The following MESD variants were observed in gnomAD, a reference collection of about 807,000 sequenced individuals.
MESD encodes LRP chaperone MESD.
Under a neutral mutation model 12.9 loss-of-function variants are expected in MESD, and 7 were observed. The observed-to-expected ratio is 0.54, with a 90% CI of 0.31 to 1.02. MESD has a LOEUF of 1.02. Ranked by LOEUF, MESD falls within the 50% of genes least tolerant of loss-of-function variation. The pLI is 0.05. For synonymous variants in MESD, 126 were observed against 115.6 expected (o/e 1.09, Z -0.58); for missense variants, 342 against 296.7 (o/e 1.15, Z -1.12).
At chr15:80,985,501 C>G (rs1902705242) in intron 1 of MESD, among the ~76,000 whole-genome samples, 1 of 152,128 alleles carries the variant, frequency 6.6e-6, no homozygotes, top group Admixed American at 6.6e-5. Flanking sequence ...CTGTCTTTAT[C>G]TTAATTCTCC....
chr15:80,961,515 G>A (rs576789359), intron 3 of MESD, among the ~76,000 whole-genome samples: 1 of 152,216 alleles, frequency 6.6e-6, no homozygotes, highest in Admixed American at 6.5e-5. Flanking sequence ...GAGGATAAAA[G>A]AATAATTTGG....
chr15:80,948,693 T>C (rs1282374836), exon 5 of MESD: 7 of 1,481,336 alleles, frequency 4.7e-6, no homozygotes, highest in South Asian at 4.5e-5. Flanking sequence ...GGCTAGGCGG[T>C]ACCTGGTGGG....
chr15:80,981,944 C>T lies in MESD; in HGVS notation c.446+6G>A. ...TGAGTCTCTCAGCTGGTTGTTGCTG[C>T]TTTACCTCTGGACGTCATAGTTGGC... is the stretch of plus-strand genomic sequence containing the variant. On this transcript the variant is annotated splice_donor_region_variant and intron_variant, in intron 2 of 2. Transcript: ENST00000261758. 6.2e-7 allele frequency: 1 copy of T among 1,600,402 alleles called. No homozygotes were observed. The highest frequency in any genetic ancestry group is 8.6e-7 in the Non-Finnish European group (1 of 1,167,576).
downstream of MESD, among the ~76,000 whole-genome samples, chr15:80,973,294 T>C (rs968276601): frequency 2.6e-5 from 4 of 152,196 alleles, no homozygotes; most frequent in Non-Finnish European, 4.4e-5. Flanking sequence ...GGTGAATCAC[T>C]TGAGCCCAGG....
At position 80,978,985 on chromosome 15, in the gene MESD, T is replaced by G. The variant is rs1596234616; in HGVS notation, c.*234A>C. ...CACATTTCCATGTAAGGAGATTTTATAGTAAACATGAATTTGTCAGTGTCC... is the reference window on the plus strand; with the variant it reads ...CACATTTCCATGTAAGGAGATTTTAGAGTAAACATGAATTTGTCAGTGTCC... On this transcript the variant is annotated 3_prime_UTR_variant, in exon 3 of 3. Transcript: ENST00000261758. The G allele has an allele frequency of 5.3e-6, 3 of 568,766 alleles. No individual in the cohort carries two copies. In the East Asian group the frequency reaches 8.9e-5, roughly 17 times the overall value. 35.2% of individuals were successfully genotyped at this position (568,766 alleles called of 1,614,324 possible). A position where few individuals can be genotyped will look rare whatever the true frequency, so the allele number is the denominator to read the frequency against.
intron 1 of MESD, among the ~76,000 whole-genome samples, chr15:80,983,626 T>G (rs1902645743): frequency 6.6e-6 from 1 of 152,122 alleles, no homozygotes; most frequent in South Asian, 2.1e-4. Flanking sequence ...TAAAAGAGCG[T>G]GGGTTCCTTG....
exon 5 of MESD, chr15:80,948,753 C>G: frequency 6.2e-7 from 1 of 1,613,510 alleles, no homozygotes; most frequent in South Asian, 1.1e-5. Flanking sequence ...GGCAGCCGTC[C>G]TCTCATAGGG....
intron 3 of MESD, among the ~76,000 whole-genome samples, chr15:80,955,501 A>AAAAAAC (rs1184316440): frequency 5.4e-5 from 8 of 148,828 alleles, no homozygotes; most frequent in African/African-American, 2.1e-4. Flanking sequence ...AAAAAAAAAA[A>AAAAAAC]AAAAGAAATG....
downstream of MESD, chr15:80,946,616 A>G: frequency 1.4e-5 from 4 of 296,104 alleles, no homozygotes; most frequent in South Asian, 1.5e-4. Flanking sequence ...GAAGAGATAC[A>G]TATCGAAGTC....
rs1231850905 is a variant in MESD at position 80,979,256 on chromosome 15, T to C, written c.668A>G (p.Glu223Gly). The C allele has an allele frequency of 5.0e-6, 8 of 1,613,840 alleles. No individual in the cohort carries two copies. The highest frequency in any genetic ancestry group is 1.7e-5 in the Admixed American group (1 of 59,964). ...EGDLKSRSSK[E>G]ENRAGNKRED... ...TCTTTTATTCCCAGCTCGATTTTCTTCCTTGGAAGACCGAGATTTCAGATC... is the reference window on the plus strand; with the variant it reads ...TCTTTTATTCCCAGCTCGATTTTCTCCCTTGGAAGACCGAGATTTCAGATC... The change falls in exon 3 of 3, where the codon GAA becomes GGA. Residue 223 changes from glutamate (E) to glycine (G), a missense_variant. Glu to Gly is a moderately conservative substitution (Grantham distance 98). Transcript: ENST00000261758.
chr15:80,989,552 C>T, intron 1 of MESD, 27 bp downstream of exon 1: 1 of 1,605,896 alleles, frequency 6.2e-7, no homozygotes, highest in Non-Finnish European at 8.5e-7. Flanking sequence ...CAGAGAAGAG[C>T]CGGGAGGGTG....
intron 3 of MESD, among the ~76,000 whole-genome samples, chr15:80,955,502 A>AAAAAG (rs1483500188): frequency 7.0e-6 from 1 of 143,348 alleles, no homozygotes; most frequent in African/African-American, 3.0e-5. Flanking sequence ...AAAAAAAAAA[A>AAAAAG]AAAGAAATGC....
intron 1 of MESD, among the ~76,000 whole-genome samples, chr15:80,983,077 TA>T (rs1292222200): frequency 6.6e-6 from 1 of 151,676 alleles, no homozygotes; most frequent in Non-Finnish European, 1.5e-5. Context: ...TCCCATCTCT[TA>T]AAAAAAATTT....
rs771410960 is a variant in MESD at position 80,982,019 on chromosome 15, T to G, written c.377A>C (p.Glu126Ala). 1 of 1,614,216 alleles carries G rather than the reference T, an allele frequency of 6.2e-7. No homozygotes were observed. Among genetic ancestry groups the G allele is most frequent in the Non-Finnish European group, 8.5e-7 (1 of 1,180,048 alleles). Residue 126 changes from glutamate (E) to alanine (A), a missense_variant, in exon 2 of 3, where the codon GAG becomes GCG. Glu to Ala is a moderately radical substitution (Grantham distance 107). Coordinates refer to ENST00000261758, the MANE Select transcript of MESD (RefSeq NM_015154.3). ...GCTCGTAATTTCCTCTGTCTCCTTCTCAGTAGGGCTTCCTGATACAGTGAC... is the reference window on the plus strand; with the variant it reads ...GCTCGTAATTTCCTCTGTCTCCTTCGCAGTAGGGCTTCCTGATACAGTGAC... Reference protein sequence around the residue: ...MFVTVSGSPTEKETEEITSLW... With the variant: ...MFVTVSGSPTAKETEEITSLW...
At chr15:80,955,129 T>C (rs1477189836) in intron 3 of MESD, among the ~76,000 whole-genome samples, 4 of 148,234 alleles carry the variant, frequency 2.7e-5, no homozygotes, top group South Asian at 2.1e-4. Context: ...AGACCTTGTC[T>C]CTACTAGAAA....
downstream of MESD, among the ~76,000 whole-genome samples, chr15:80,973,055 C>T (rs1434725977): frequency 6.6e-6 from 1 of 151,920 alleles, no homozygotes; most frequent in African/African-American, 2.4e-5. Context: ...CAAAAACCTT[C>T]GTTACTATAT....
downstream of MESD, among the ~76,000 whole-genome samples, chr15:80,972,495 T>G (rs747509812): frequency 2.9e-4 from 44 of 152,272 alleles, no homozygotes; most frequent in Middle Eastern, 3.4e-3. Flanking sequence ...GGCAGGGCTG[T>G]GCATGTAAAC....
intron 3 of MESD, among the ~76,000 whole-genome samples, chr15:80,969,750 GA>G (rs1417321482): frequency 1.3e-5 from 2 of 152,172 alleles, no homozygotes; most frequent in African/African-American, 4.8e-5. Context: ...AGCTACTCAG[GA>G]GTCTGAGGCA....
chr15:80,953,016 G>A (rs1201869145), intron 3 of MESD: 1 of 456,126 alleles, frequency 2.2e-6, no homozygotes, highest in Admixed American at 2.3e-5. Flanking sequence ...GTCAGTGAGT[G>A]GAAGTAGGAC....
Sources: gnomAD v4.1 joint callset for allele counts (sites outside exome capture counted in the v4.1 genomes callset) on GRCh38, gnomAD v4.1.1 for gene constraint, MANE v1.5 for transcripts, NCBI Gene and HGNC (gene_info 2026-07-23, HGNC 2026-07-21) for gene names.